The following IGSF9B variants were observed in gnomAD, a reference collection of about 807,000 sequenced individuals.
The protein encoded by IGSF9B is protein turtle homolog B.
Under a neutral mutation model 143.7 loss-of-function variants are expected in IGSF9B, and 48 were observed. That is an observed-to-expected ratio of 0.33 (90% CI 0.26 to 0.42). IGSF9B has a LOEUF of 0.42. Ranked by LOEUF, IGSF9B falls within the 20% of genes least tolerant of loss-of-function variation. The probability of loss-of-function intolerance (pLI) is 1.00; values close to 1 mark genes in which losing one functional copy is unlikely to be tolerated. For synonymous variants in IGSF9B, 903 were observed against 833.1 expected, an observed-to-expected ratio of 1.08 and a Z score of -1.44; for missense variants, 1,706 against 1,980.0, an observed-to-expected ratio of 0.86 and a Z score of 2.63.
chr11:133,951,298 A>C (rs564546708), intron 1 of IGSF9B, among the ~76,000 whole-genome samples: 1 of 152,336 alleles, frequency 6.6e-6, no homozygotes, highest in East Asian at 1.9e-4. Flanking sequence ...CCAACCCGAC[A>C]GCACCTCAGA....
At position 133,944,223 on chromosome 11, in the gene IGSF9B, T is replaced by A; in HGVS notation, c.406A>T (p.Asn136Tyr). The A allele has an allele frequency of 6.2e-7, 1 of 1,602,120 alleles. No individual in the cohort carries two copies. Among genetic ancestry groups the A allele is most frequent in the Non-Finnish European group, 8.5e-7 (1 of 1,173,142 alleles). ...HNGSWVHLTINAPPTFTETPP... is the reference protein window; with the variant it reads ...HNGSWVHLTIYAPPTFTETPP... ...CACCCTGGAAGCCGTCACTCACCGTTGATGGTGAGGTGGACCCAGCTGCCA... is the reference window on the plus strand; with the variant it reads ...CACCCTGGAAGCCGTCACTCACCGTAGATGGTGAGGTGGACCCAGCTGCCA... Residue 136 changes from asparagine (N) to tyrosine (Y), a missense_variant, in exon 3 of 20, where the codon AAC becomes TAC. Physicochemically the swap from Asn to Tyr is moderately radical, Grantham distance 143. Coordinates refer to ENST00000533871, the MANE Select transcript of IGSF9B (RefSeq NM_001277285.4).
chr11:133,912,909 A>C (rs1205769283), intron 18 of IGSF9B, among the ~76,000 whole-genome samples: 1 of 152,218 alleles, frequency 6.6e-6, no homozygotes, highest in Non-Finnish European at 1.5e-5. Flanking sequence ...CCCGTGAGGC[A>C]GCCCAGGTAC....
intron 1 of IGSF9B, among the ~76,000 whole-genome samples, chr11:133,950,414 C>T (rs1230385278): frequency 1.3e-5 from 2 of 152,204 alleles, no homozygotes; most frequent in Admixed American, 6.5e-5. Flanking sequence ...TCCTGACACA[C>T]GCACCGCTGT....
intron 1 of IGSF9B, among the ~76,000 whole-genome samples, chr11:133,950,205 G>A (rs1565452017): frequency 6.6e-6 from 1 of 152,178 alleles, no homozygotes; most frequent in Non-Finnish European, 1.5e-5. Context: ...GAGCTCCTCC[G>A]CCGGGGAAGG....
chr11:133,949,646 A>C (rs1457786112), intron 1 of IGSF9B, among the ~76,000 whole-genome samples: 1 of 151,732 alleles, frequency 6.6e-6, no homozygotes, highest in African/African-American at 2.4e-5. Flanking sequence ...GGACACAGAC[A>C]CACCTGTGTG....
In IGSF9B at chr11:133,930,469, C is replaced by A. The variant is rs187199429; in HGVS notation, c.1519+515G>T. On this transcript the variant is annotated intron_variant, in intron 11 of 19. Transcript: ENST00000533871. ...TTATAGCCGTCAGGACCCAGAAGGA[C>A]AGGCTGAGAGGGCCCAGGCGAAGGT... Among the ~76,000 whole-genome samples the A allele has an allele frequency of 3.2e-4, 48 of 152,272 alleles. No individual in the cohort carries two copies. In the East Asian group the frequency reaches 9.3e-3, roughly 29 times the overall value.
intron 1 of IGSF9B, among the ~76,000 whole-genome samples, chr11:133,947,006 G>A (rs566754978): frequency 4.5e-4 from 68 of 152,334 alleles, no homozygotes; most frequent in African/African-American, 1.6e-3. Flanking sequence ...AGAGCAGGAT[G>A]CTGGCGACAG....
intron 7 of IGSF9B, among the ~76,000 whole-genome samples, chr11:133,933,880 C>T (rs573798658): frequency 1.2e-4 from 18 of 152,188 alleles, no homozygotes; most frequent in African/African-American, 3.6e-4. Flanking sequence ...GATGAATGAG[C>T]TGGTATCTTT....
At chr11:133,929,921 G>A (rs900806374) in intron 11 of IGSF9B, 139 bp from the exon 12 acceptor site, 17 of 619,520 alleles carry the variant, frequency 2.7e-5, no homozygotes, top group African/African-American at 1.1e-4. Context: ...GGATGGGGGC[G>A]ACGGGGATGC....
At chr11:133,944,536 G>GA (rs1940010474) in intron 2 of IGSF9B, among the ~76,000 whole-genome samples, 170 bp from the exon 3 acceptor site, 1 of 152,254 alleles carries the variant, frequency 6.6e-6, no homozygotes, top group Admixed American at 6.5e-5. Flanking sequence ...GGTGGCAAAG[G>GA]AAAGGGCATA....
rs1434475085 is a variant in IGSF9B, at chr11:133,919,994, G to T, written c.3731C>A (p.Ala1244Glu). The T allele has an allele frequency of 3.8e-6, 6 of 1,581,530 alleles. No homozygotes were observed. The East Asian group carries it at 6.8e-5, about 18-fold the overall frequency. Residue 1244 changes from alanine (A) to glutamate (E), a missense_variant, in exon 18 of 20, where the codon GCA becomes GAA. Ala to Glu is a moderately radical substitution (Grantham distance 107). This residue lies in a region of IGSF9B where 880 missense variants were observed against 762.9 expected (regional missense o/e 1.15). Transcript: ENST00000533871. ...MSEITLQPPA[A>E]VSFSRKSTPS... is the part of the protein sequence containing the mutation. ...CGTAGACTTTCGAGAAAAGCTGACT[G>T]CAGCCGGCGGCTGCAGGGTGATCTC...
chr11:133,956,499 A>C, intron 1 of IGSF9B, among the ~76,000 whole-genome samples, 192 bp downstream of exon 1: 1 of 140,920 alleles, frequency 7.1e-6, no homozygotes, highest in Non-Finnish European at 1.5e-5. Context: ...CCTCCAGCCC[A>C]CGGCCCCCAG....
intron 11 of IGSF9B, 125 bp downstream of exon 11, chr11:133,930,859 A>T: frequency 9.8e-7 from 1 of 1,016,828 alleles, no homozygotes; most frequent in Non-Finnish European, 1.4e-6. Context: ...TCAGGGCTGC[A>T]CTGACTTAGG....
At chr11:133,940,724 G>A (rs1030512912) in intron 3 of IGSF9B, among the ~76,000 whole-genome samples, 9 of 148,770 alleles carry the variant, frequency 6.0e-5, no homozygotes, top group East Asian at 2.0e-4. Context: ...CCTCGCACGC[G>A]TCATCACATA....
chr11:133,925,986 G>T, intron 13 of IGSF9B, 21 bp from the exon 14 acceptor site: 1 of 1,530,298 alleles, frequency 6.5e-7, no homozygotes. Flanking sequence ...GGAAGGAGAA[G>T]AACCACAGCG....
rs1940131777 is a variant in IGSF9B, at chr11:133,950,161, C to T, written c.65-3903G>A. Among the ~76,000 whole-genome samples, 4 of 152,212 alleles carry T rather than the reference C, an allele frequency of 2.6e-5. No individual in the cohort carries two copies. In the South Asian group the frequency reaches 8.3e-4, roughly 32 times the overall value. On this transcript the variant is annotated intron_variant, in intron 1 of 19. Coordinates refer to ENST00000533871, the MANE Select transcript of IGSF9B (RefSeq NM_001277285.4). ...GTGCAGAACCATGAGGCATCCAGGG[C>T]CTGGCACAGCCCATGTCTAGCACTC... is the stretch of plus-strand genomic sequence containing the variant.
chr11:133,937,731 G>A (rs1221606749), intron 4 of IGSF9B, 79 bp downstream of exon 4: 2 of 1,483,126 alleles, frequency 1.3e-6, no homozygotes, highest in African/African-American at 2.8e-5. Flanking sequence ...TGTAGCATCA[G>A]GGGTCGGCTG....
At chr11:133,914,379 G>T (rs988606621) in intron 18 of IGSF9B, among the ~76,000 whole-genome samples, 1 of 152,060 alleles carries the variant, frequency 6.6e-6, no homozygotes, top group African/African-American at 2.4e-5. Context: ...AAGAAGAAAA[G>T]CATGGCATCC....
rs1939171483 is a variant in IGSF9B at position 133,903,476 on chromosome 11, A to C, written c.*5593T>G. On this transcript the variant is annotated 3_prime_UTR_variant, in exon 20 of 20. Transcript: ENST00000533871. ...CAGAAGACAACACCCATGTGATTTT[A>C]ATGACTGGCCACTGTTCCACCAGAG... is the stretch of plus-strand genomic sequence containing the variant. Among the ~76,000 whole-genome samples the C allele has an allele frequency of 6.6e-6, 1 of 152,156 alleles. No homozygotes were observed. Among genetic ancestry groups the C allele is most frequent in the African/African-American group, 2.4e-5 (1 of 41,436 alleles).
Sources: gnomAD v4.1 joint callset for allele counts (sites outside exome capture counted in the v4.1 genomes callset) on GRCh38, gnomAD v4.1.1 for gene constraint, gnomAD v4.1.1 regional missense constraint, MANE v1.5 for transcripts, NCBI Gene and HGNC (gene_info 2026-07-23, HGNC 2026-07-21) for gene names.